The following JAG1 variants were observed in gnomAD, a reference collection of about 807,000 sequenced individuals.
JAG1 encodes the protein protein jagged-1.
Under a neutral mutation model 148.7 loss-of-function variants are expected in JAG1, and 23 were observed. That is an observed-to-expected ratio of 0.15 (90% confidence interval 0.11 to 0.22). JAG1 has a LOEUF of 0.22. Ranked by LOEUF, JAG1 falls within the 10% of genes least tolerant of loss-of-function variation. The pLI is 1.00. For synonymous variants in JAG1, 572 were observed against 598.3 expected (o/e 0.96, Z 0.64); for missense variants, 1,054 against 1,611.2 (o/e 0.65, Z 5.92).
intron 3 of JAG1, among the ~76,000 whole-genome samples, chr20:10,659,750 T>C (rs2067403641): frequency 6.6e-6 from 1 of 152,016 alleles, no homozygotes; most frequent in Non-Finnish European, 1.5e-5. Flanking sequence ...TTCTTTTTGT[T>C]TTTTTGAGCC....
Position 10,642,482 on chromosome 20 carries a change from A to G in JAG1, c.2572+6T>C, listed in dbSNP as rs764817478. 6.4e-7 allele frequency: 1 copy of G among 1,567,378 alleles called. No homozygotes were observed. The highest frequency in any genetic ancestry group is 1.1e-5 in the South Asian group (1 of 90,170). ...CCCATGGGCAGCTGAAGCCTGGCAC[A>G]CATACCTTCCTGGCACTTGGCACCA... On this transcript the variant is annotated splice_donor_region_variant and intron_variant, in intron 21 of 25. Transcript: ENST00000254958.
chr20:10,664,483 C>T (rs547239391), intron 2 of JAG1, among the ~76,000 whole-genome samples: 9 of 152,076 alleles, frequency 5.9e-5, no homozygotes, highest in Admixed American at 5.9e-4. Flanking sequence ...ACACTTTGGG[C>T]CCTGGTGAGG....
intron 2 of JAG1, among the ~76,000 whole-genome samples, chr20:10,670,191 G>A (rs900620193): frequency 6.6e-6 from 1 of 152,144 alleles, no homozygotes; most frequent in African/African-American, 2.4e-5. Flanking sequence ...TCTAGAACAT[G>A]AACAGTTGCT....
chr20:10,659,073 A>G (rs1317116951), intron 3 of JAG1, among the ~76,000 whole-genome samples: 1 of 152,224 alleles, frequency 6.6e-6, no homozygotes, highest in Non-Finnish European at 1.5e-5. Flanking sequence ...GAGATACTCT[A>G]GAAATGGAAG....
intron 4 of JAG1, among the ~76,000 whole-genome samples, chr20:10,657,795 C>G (rs77990114): frequency 0.013 from 1,906 of 152,300 alleles, 31 homozygotes; most frequent in African/African-American, 0.043. Context: ...CTTGAGCTAA[C>G]CACATACCTC....
At chr20:10,661,150 G>A (rs557046832) in intron 3 of JAG1, among the ~76,000 whole-genome samples, 4 of 152,174 alleles carry the variant, frequency 2.6e-5, no homozygotes, top group Admixed American at 1.3e-4. Context: ...TTGGAGGACC[G>A]ATGACAGAAG....
At chr20:10,657,434 GA>G (rs1412586487) in intron 4 of JAG1, among the ~76,000 whole-genome samples, 1 of 151,118 alleles carries the variant, frequency 6.6e-6, no homozygotes, top group Non-Finnish European at 1.5e-5. Context: ...ATATGTTAAT[GA>G]ATTCCCCTTT....
At chr20:10,661,525 T>G (rs555826077) in intron 3 of JAG1, among the ~76,000 whole-genome samples, 5 of 152,136 alleles carry the variant, frequency 3.3e-5, no homozygotes, top group Non-Finnish European at 2.9e-5. Flanking sequence ...TGCTAGGGTA[T>G]GGCCAGGCTA....
intron 14 of JAG1, 21 bp from the exon 15 acceptor site, chr20:10,646,105 A>G: frequency 1.3e-6 from 2 of 1,553,202 alleles, no homozygotes; most frequent in Non-Finnish European, 1.8e-6. Context: ...AAGTAAAGCA[A>G]AAAAAGAACT....
In JAG1 at chr20:10,641,675, G is replaced by T. The variant is rs372904306; in HGVS notation, c.2701C>A (p.Pro901Thr). The T allele has an allele frequency of 8.1e-6, 13 of 1,613,860 alleles. No individual in the cohort carries two copies. Among genetic ancestry groups the T allele is most frequent in the African/African-American group, 1.3e-5 (1 of 74,936 alleles). ...ACSKVWCGPR[P>T]CLLHKGHSEC... ...CTGTGCCCTTTGTGGAGCAGGCAAG[G>T]TCGAGGGCCACACCAGACCTGGAGA... The change falls in exon 23 of 26, where the codon CCT (proline) becomes ACT (threonine). Residue 901 changes from proline to threonine, a missense_variant. Physicochemically the swap from Pro to Thr is conservative, Grantham distance 38. Transcript: ENST00000254958.
rs2067301179 is a variant in JAG1 at position 10,645,339 on chromosome 20, G to A, written c.2113+17C>T. Reference sequence around the variant, plus strand: ...GAAGGGTCCCAGAGATAGCATCCAAGGCCAACTACCACTTACGTGAGTGGC... The same window carrying A: ...GAAGGGTCCCAGAGATAGCATCCAAAGCCAACTACCACTTACGTGAGTGGC... On this transcript the variant is annotated intron_variant, in intron 16 of 25. Transcript: ENST00000254958. The surrounding 1 kb of genome is among the most constrained non-coding windows in gnomAD (Gnocchi z 6.1). 1 of 1,609,292 alleles carries A rather than the reference G, an allele frequency of 6.2e-7. No homozygotes were observed. Among genetic ancestry groups the A allele is most frequent in the Non-Finnish European group, 8.5e-7 (1 of 1,175,800 alleles).
Position 10,672,677 on chromosome 20 carries a change from C to G in JAG1, c.387+24G>C, listed in dbSNP as rs768864314. ...GGCGCGGGTGTGAGGCTCCGCCCGG[C>G]CTCCTTCCCGAGTAGTCACTCACCG... On this transcript the variant is annotated intron_variant, in intron 2 of 25. Transcript: ENST00000254958. 3.7e-6 allele frequency: 6 copies of G among 1,610,332 alleles called. No individual in the cohort carries two copies. In the Admixed American group the frequency reaches 8.3e-5, roughly 22 times the overall value.
chr20:10,651,449 A>C, intron 8 of JAG1, 132 bp downstream of exon 8: 1 of 642,414 alleles, frequency 1.6e-6, no homozygotes, highest in Non-Finnish European at 2.8e-6. Context: ...CAGACTGCTT[A>C]CCAGACTTAG....
At chr20:10,663,843 C>A in intron 3 of JAG1, 120 bp downstream of exon 3, 1 of 808,782 alleles carries the variant, frequency 1.2e-6, no homozygotes, top group South Asian at 1.4e-5. Flanking sequence ...CAGGGGAGAA[C>A]AGAAGGCAAG....
chr20:10,673,262 C>A lies in JAG1; in HGVS notation c.81+188G>T, dbSNP rs2067511101. Reference sequence around the variant, plus strand: ...GCGCCCCTGTCCGGCCTGGAGGGGTCACCCTCAGGAGGCAGGGGCTCCCGT... The same window carrying A: ...GCGCCCCTGTCCGGCCTGGAGGGGTAACCCTCAGGAGGCAGGGGCTCCCGT... On this transcript the variant is annotated intron_variant, in intron 1 of 25. Coordinates refer to ENST00000254958, the MANE Select transcript of JAG1 (RefSeq NM_000214.3). This position sits in a 1 kb window ranked among gnomAD's most constrained non-coding sequence, Gnocchi z 4.7. 6.6e-6 allele frequency among the ~76,000 whole-genome samples: 1 copy of A among 151,892 alleles called. No homozygotes were observed. The highest frequency in any genetic ancestry group is 6.6e-5 in the Admixed American group (1 of 15,264).
At chr20:10,660,057 T>A (rs1459874334) in intron 3 of JAG1, among the ~76,000 whole-genome samples, 1 of 152,244 alleles carries the variant, frequency 6.6e-6, no homozygotes, top group Non-Finnish European at 1.5e-5. Flanking sequence ...CAGTTAGGAC[T>A]GACTTGCAAT....
chr20:10,668,293 T>G (rs138165317), intron 2 of JAG1, among the ~76,000 whole-genome samples: 1 of 152,182 alleles, frequency 6.6e-6, no homozygotes, highest in Non-Finnish European at 1.5e-5. Context: ...CAATGTATCT[T>G]CCAACAGTTG....
chr20:10,649,125 C>A lies in JAG1; in HGVS notation c.1349-18G>T. On this transcript the variant is annotated intron_variant, in intron 10 of 25. Coordinates refer to ENST00000254958, the MANE Select transcript of JAG1 (RefSeq NM_000214.3). Reference sequence around the variant, plus strand: ...ATTAATATCTAAAAAATAAATAAGTCATCATTTTAAAGAGGTAATTTACAG... The same window carrying A: ...ATTAATATCTAAAAAATAAATAAGTAATCATTTTAAAGAGGTAATTTACAG... 2 of 1,571,836 alleles carry A rather than the reference C, an allele frequency of 1.3e-6. No individual in the cohort carries two copies. Among genetic ancestry groups the A allele is most frequent in the South Asian group, 2.2e-5 (2 of 89,992 alleles).
Position 10,646,072 on chromosome 20 carries a change from C to G in JAG1, c.1898G>C (p.Cys633Ser). 1 of 1,611,436 alleles carries G rather than the reference C, an allele frequency of 6.2e-7. No homozygotes were observed. The highest frequency in any genetic ancestry group is 8.5e-7 in the Non-Finnish European group (1 of 1,177,556). ...GTYCHENIND[C>S]ESNPCRNGGT... ...ACCGTTTCTACAAGGGTTGCTCTCA[C>G]AGTCATTAATATCTATGAAACAAAG... The change falls in exon 15 of 26, where the codon TGT (cysteine) becomes TCT (serine). Residue 633 changes from cysteine to serine, a missense_variant. By Grantham distance (112) the Cys-to-Ser change is moderately radical (BLOSUM62 -1). This residue lies in a region of JAG1 where 35 missense variants were observed against 99.7 expected (regional missense o/e 0.35). Transcript: ENST00000254958.
Sources: gnomAD v4.1 joint callset for allele counts (sites outside exome capture counted in the v4.1 genomes callset) on GRCh38, gnomAD v4.1.1 for gene constraint, gnomAD v4.1.1 regional missense constraint, Gnocchi (gnomAD v3.1) non-coding constraint, MANE v1.5 for transcripts, NCBI Gene and HGNC (gene_info 2026-07-23, HGNC 2026-07-21) for gene names.